Variants in PLCL1 observed in about 807,000 individuals in gnomAD.
PLCL1 encodes inactive phospholipase C-like protein 1.
Under a neutral mutation model 84.4 loss-of-function variants are expected in PLCL1, and 41 were observed. The observed-to-expected ratio is 0.49, with a 90% CI of 0.38 to 0.63. The LOEUF (loss-of-function observed/expected upper bound fraction) is 0.63, where lower values mean the gene tolerates loss of function less well. Among genes scored for constraint, PLCL1 ranks in the 30% least tolerant of loss-of-function variants. The pLI, the probability that PLCL1 is intolerant of heterozygous loss-of-function variation, is 0.00. For synonymous variants in PLCL1, 490 were observed against 488.3 expected, an observed-to-expected ratio of 1.00 and a Z score of -0.05; for missense variants, 1,206 against 1,367.8, an observed-to-expected ratio of 0.88 and a Z score of 1.87.
At chr2:197,921,138 A>G (rs1322304481) in intron 1 of PLCL1, among the ~76,000 whole-genome samples, 1 of 152,210 alleles carries the variant, frequency 6.6e-6, no homozygotes, top group African/African-American at 2.4e-5. Flanking sequence ...TTATAACACA[A>G]TGGTATTTGT....
chr2:197,833,632 A>G (rs557945118), intron 1 of PLCL1, among the ~76,000 whole-genome samples: 1 of 152,220 alleles, frequency 6.6e-6, no homozygotes, highest in East Asian at 1.9e-4. Flanking sequence ...GATGTGAAGG[A>G]CCTCTTCAAG....
chr2:197,947,049 A>G (rs907835101), intron 1 of PLCL1, among the ~76,000 whole-genome samples: 1 of 152,066 alleles, frequency 6.6e-6, no homozygotes, highest in Non-Finnish European at 1.5e-5. Flanking sequence ...GTAAATATTT[A>G]TTGAGTGCTT....
Position 197,805,017 on chromosome 2 carries a change from G to T in PLCL1, c.-83G>T. 2 of 1,379,676 alleles carry T rather than the reference G, an allele frequency of 1.4e-6. No homozygotes were observed. Among genetic ancestry groups the T allele is most frequent in the South Asian group, 1.5e-5 (1 of 66,496 alleles). 85.5% of individuals were successfully genotyped at this position (1,379,676 alleles called of 1,614,324 possible). ...AAGTCTGGCGGGGCCGCCTCCCGGT[G>T]CAGGAGCGCACCGGTGCCTAGCGGC... On this transcript the variant is annotated 5_prime_UTR_variant, in exon 1 of 6. Coordinates refer to ENST00000428675, the MANE Select transcript of PLCL1 (RefSeq NM_006226.4). This position sits in a 1 kb window ranked among gnomAD's most constrained non-coding sequence, Gnocchi z 4.0.
At chr2:198,038,750 G>A (rs963448326) in intron 1 of PLCL1, among the ~76,000 whole-genome samples, 1 of 150,310 alleles carries the variant, frequency 6.7e-6, no homozygotes, top group Middle Eastern at 3.4e-3. Context: ...ACAGAGGTCT[G>A]TAGTTTATAA....
At chr2:198,094,112 A>G (rs1163000934) in intron 3 of PLCL1, among the ~76,000 whole-genome samples, 1 of 151,934 alleles carries the variant, frequency 6.6e-6, no homozygotes, top group Non-Finnish European at 1.5e-5. Flanking sequence ...CCCAGACTGG[A>G]GTACAGTGGC....
In PLCL1 at chr2:197,835,452, A is replaced by G. The variant is rs1220755069; in HGVS notation, c.240+30113A>G. 2.0e-5 allele frequency among the ~76,000 whole-genome samples: 3 copies of G among 151,968 alleles called. No individual in the cohort carries two copies. In the South Asian group the frequency reaches 6.2e-4, roughly 31 times the overall value. ...TCATCCCAAACTGACCCTGCCAATTACTCCTCATATTCCACCCCTCCCCAT... is the reference window on the plus strand; with the variant it reads ...TCATCCCAAACTGACCCTGCCAATTGCTCCTCATATTCCACCCCTCCCCAT... On this transcript the variant is annotated intron_variant, in intron 1 of 5. Coordinates refer to ENST00000428675, the MANE Select transcript of PLCL1 (RefSeq NM_006226.4).
Position 197,804,652 on chromosome 2 carries a change from G to A in PLCL1, c.-448G>A, listed in dbSNP as rs542718021. The A allele has an allele frequency of 1.3e-4, 20 of 153,284 alleles. No individual in the cohort carries two copies. The South Asian group carries it at 3.1e-3, about 23-fold the overall frequency. 9.5% of individuals were successfully genotyped at this position (153,284 alleles called of 1,614,324 possible). On this transcript the variant is annotated 5_prime_UTR_variant, in exon 1 of 6. Coordinates refer to ENST00000428675, the MANE Select transcript of PLCL1 (RefSeq NM_006226.4). ...TCCTGGGACCGCTGCGCCGCAGTCC[G>A]CGGGCAGGTGGCGGGTGCGCCCGGC...
intron 1 of PLCL1, among the ~76,000 whole-genome samples, chr2:197,837,960 T>C (rs1486107511): frequency 1.3e-5 from 2 of 152,210 alleles, no homozygotes; most frequent in Admixed American, 6.5e-5. Flanking sequence ...GATTTTTTTT[T>C]CAAAGAACAA....
At position 198,085,783 on chromosome 2, in the gene PLCL1, G is replaced by A. The variant is rs141777553; in HGVS notation, c.2266G>A (p.Gly756Arg). Residue 756 changes from glycine to arginine, a missense_variant, in exon 2 of 6, where the codon GGA becomes AGA. Transcript: ENST00000428675. The surrounding 1 kb of genome is among the most constrained non-coding windows in gnomAD (Gnocchi z 5.3). ...IDPYVCIEIH[G>R]IPADCSEQRT... Reference sequence around the variant, plus strand: ...TCCCTATGTTTGTATAGAGATACACGGAATTCCAGCGGATTGTTCGGAACA... The same window carrying A: ...TCCCTATGTTTGTATAGAGATACACAGAATTCCAGCGGATTGTTCGGAACA... 1.2e-6 allele frequency: 2 copies of A among 1,614,028 alleles called. No homozygotes were observed. The highest frequency in any genetic ancestry group is 1.7e-6 in the Non-Finnish European group (2 of 1,179,912).
chr2:197,896,664 G>A lies in PLCL1; in HGVS notation c.240+91325G>A, dbSNP rs75729481. 7.4e-3 allele frequency among the ~76,000 whole-genome samples: 1,131 copies of A among 152,126 alleles called. 19 individuals are homozygous for A. Among genetic ancestry groups the A allele is most frequent in the Non-Finnish European group, 0.012 (823 of 67,956 alleles). ...CGACGTGGTTTTGGTACATGTCTGCGTTCAAGCTCATTTTCTATAAGCCAC... is the reference window on the plus strand; with the variant it reads ...CGACGTGGTTTTGGTACATGTCTGCATTCAAGCTCATTTTCTATAAGCCAC... On this transcript the variant is annotated intron_variant, in intron 1 of 5. Coordinates refer to ENST00000428675, the MANE Select transcript of PLCL1 (RefSeq NM_006226.4).
At position 197,805,057 on chromosome 2, in the gene PLCL1, G is replaced by A. The variant is rs973375430; in HGVS notation, c.-43G>A. The A allele has an allele frequency of 8.5e-6, 12 of 1,419,716 alleles. No individual in the cohort carries two copies. Among genetic ancestry groups the A allele is most frequent in the Middle Eastern group, 2.5e-4 (1 of 3,976 alleles). The allele number at this position is 1,419,716 out of a possible 1,614,324, so 87.9% of individuals were successfully genotyped here. A position where few individuals can be genotyped will look rare whatever the true frequency, so the allele number is the denominator to read the frequency against. On this transcript the variant is annotated 5_prime_UTR_variant, in exon 1 of 6. Transcript: ENST00000428675. This position sits in a 1 kb window ranked among gnomAD's most constrained non-coding sequence, Gnocchi z 4.0. Reference sequence around the variant, plus strand: ...TGCCTAGCGGCTGGACTCCGCTGCCGGGCGTCCCGCTTTCCCCCGGGGAGC... The same window carrying A: ...TGCCTAGCGGCTGGACTCCGCTGCCAGGCGTCCCGCTTTCCCCCGGGGAGC...
At chr2:197,857,309 C>T (rs1230457919) in intron 1 of PLCL1, among the ~76,000 whole-genome samples, 2 of 152,078 alleles carry the variant, frequency 1.3e-5, no homozygotes, top group African/African-American at 2.4e-5. Context: ...GGCTGCCTGG[C>T]ATGCTTTTAA....
At chr2:198,079,482 T>C (rs952898072) in intron 1 of PLCL1, among the ~76,000 whole-genome samples, 4 of 152,012 alleles carry the variant, frequency 2.6e-5, no homozygotes, top group Non-Finnish European at 4.4e-5. Flanking sequence ...AAATCAGACA[T>C]TATAGCATAA....
chr2:197,907,099 C>A (rs1688399915), intron 1 of PLCL1, among the ~76,000 whole-genome samples: 1 of 119,392 alleles, frequency 8.4e-6, no homozygotes, highest in South Asian at 2.8e-4. Flanking sequence ...TGGGCAAAAG[C>A]TGGAAGGATT....
intron 1 of PLCL1, among the ~76,000 whole-genome samples, chr2:197,806,776 C>T (rs1690495109): frequency 6.6e-6 from 1 of 152,164 alleles, no homozygotes; most frequent in African/African-American, 2.4e-5. Context: ...TACATGGTGT[C>T]CTGTGTGTGT....
At chr2:198,126,738 C>T (rs1693995254) in intron 5 of PLCL1, among the ~76,000 whole-genome samples, 1 of 152,034 alleles carries the variant, frequency 6.6e-6, no homozygotes, top group Non-Finnish European at 1.5e-5. Context: ...GACCCCAGCT[C>T]TACAAAAAAT....
intron 1 of PLCL1, among the ~76,000 whole-genome samples, chr2:198,080,165 T>A (rs1692676276): frequency 6.6e-6 from 1 of 152,202 alleles, no homozygotes; most frequent in Non-Finnish European, 1.5e-5. Flanking sequence ...CCTGAACTGA[T>A]AATAAACTTG....
At chr2:198,066,984 A>G (rs1269357867) in intron 1 of PLCL1, among the ~76,000 whole-genome samples, 2 of 152,114 alleles carry the variant, frequency 1.3e-5, no homozygotes, top group East Asian at 3.8e-4. Flanking sequence ...TCTTTCTCCT[A>G]CAGGTGCCAT....
intron 1 of PLCL1, among the ~76,000 whole-genome samples, chr2:197,930,702 G>C (rs1252838231): frequency 6.6e-6 from 1 of 152,066 alleles, no homozygotes; most frequent in African/African-American, 2.4e-5. Flanking sequence ...AGGAAGAATT[G>C]TAATCAGTAG....
Sources: allele counts gnomAD v4.1 joint callset (sites outside exome capture counted in the v4.1 genomes callset), GRCh38; gene constraint gnomAD v4.1.1; non-coding constraint Gnocchi (gnomAD v3.1); transcripts MANE v1.5; gene names NCBI Gene and HGNC (gene_info 2026-07-23, HGNC 2026-07-21).